PLCG2: variants seen among roughly 807,000 people sequenced by gnomAD.
PLCG2 encodes phospholipase C gamma 2.
Under a neutral mutation model 175.6 loss-of-function variants are expected in PLCG2, and 69 were observed. That is an observed-to-expected ratio of 0.39 (90% CI 0.32 to 0.48). The LOEUF (loss-of-function observed/expected upper bound fraction) is 0.48, where lower values mean the gene tolerates loss of function less well. Ranked by LOEUF, PLCG2 falls within the 20% of genes least tolerant of loss-of-function variation. The pLI, the probability that PLCG2 is intolerant of heterozygous loss-of-function variation, is 0.91. For missense variants in PLCG2, 1,798 were observed against 1,650.9 expected, an observed-to-expected ratio of 1.09 and a Z score of -1.54; for synonymous variants, 827 against 624.0, an observed-to-expected ratio of 1.33 and a Z score of -4.85.
In PLCG2 at chr16:81,900,639, G is replaced by C. The variant is rs775409619; in HGVS notation, c.1221G>C (p.Glu407Asp). The change falls in exon 14 of 33, where the codon GAG becomes GAC. Residue 407 changes from glutamate to aspartate, a missense_variant. Coordinates refer to ENST00000564138, the MANE Select transcript of PLCG2 (RefSeq NM_002661.5). ...SSFPVILSIE[E>D]HCSVEQQRHM... ...TCCCAGTGATCCTGTCCATCGAGGA[G>C]CACTGCAGCGTGGAGCAACAGCGTC... 6.2e-7 allele frequency: 1 copy of C among 1,606,880 alleles called. No homozygotes were observed. Among genetic ancestry groups the C allele is most frequent in the Non-Finnish European group, 8.5e-7 (1 of 1,174,084 alleles).
At chr16:81,823,881 CCTT>C (rs1421710054) in intron 2 of PLCG2, among the ~76,000 whole-genome samples, 5 of 149,426 alleles carry the variant, frequency 3.3e-5, no homozygotes, top group Non-Finnish European at 6.0e-5. Flanking sequence ...CTTTTTTCTT[CCTT>C]CTTTTCTTTC....
chr16:81,868,388 G>T (rs1907349386), intron 5 of PLCG2, among the ~76,000 whole-genome samples: 1 of 151,910 alleles, frequency 6.6e-6, no homozygotes. Context: ...ACTTATTTTT[G>T]GGGGTGCAGG....
intron 8 of PLCG2, among the ~76,000 whole-genome samples, chr16:81,881,662 C>T (rs564299386): frequency 4.6e-5 from 7 of 152,126 alleles, no homozygotes; most frequent in Non-Finnish European, 8.8e-5. Flanking sequence ...TATGTATATT[C>T]GAGACGGAGC....
intron 1 of PLCG2, chr16:81,739,830 T>A (rs1909544879): frequency 6.6e-6 from 1 of 152,070 alleles, no homozygotes; most frequent in Admixed American, 6.6e-5. Flanking sequence ...TGAAATGAAT[T>A]AGTAAGTGCT....
intron 7 of PLCG2, among the ~76,000 whole-genome samples, chr16:81,873,689 G>A (rs1907629231): frequency 6.6e-6 from 1 of 152,088 alleles, no homozygotes; most frequent in Non-Finnish European, 1.5e-5. Flanking sequence ...CACCACTTTG[G>A]GAGGCCAAGG....
chr16:81,928,488 C>G (rs1264687234), intron 23 of PLCG2, 70 bp from the exon 24 acceptor site: 2 of 978,342 alleles, frequency 2.0e-6, no homozygotes, highest in Admixed American at 1.7e-5. Flanking sequence ...AAACGGTGTG[C>G]TTTGGAAACG....
In PLCG2 at chr16:81,877,050, G is replaced by C. The variant is rs575511517; in HGVS notation, c.649-3860G>C. Among the ~76,000 whole-genome samples the C allele has an allele frequency of 2.0e-5, 3 of 152,350 alleles. No homozygotes were observed. In the South Asian group the frequency reaches 6.2e-4, roughly 32 times the overall value. The stretch of plus-strand genomic sequence containing the variant: ...TGAAATGGGGCTTATTTTACTACCT[G>C]ATGGGATCAGCAGGAGGAGTGACTG... On this transcript the variant is annotated intron_variant, in intron 7 of 32. Coordinates refer to ENST00000564138, the MANE Select transcript of PLCG2 (RefSeq NM_002661.5).
chr16:81,767,831 G>C (rs1362838848), intron 2 of PLCG2: 1 of 152,312 alleles, frequency 6.6e-6, no homozygotes, highest in Non-Finnish European at 1.5e-5. Flanking sequence ...GCCTCTTCCA[G>C]AATGTCATAT....
intron 2 of PLCG2, among the ~76,000 whole-genome samples, chr16:81,833,322 C>G (rs116662042): frequency 1.3e-5 from 2 of 152,060 alleles, no homozygotes; most frequent in South Asian, 4.1e-4. Flanking sequence ...GGCCTTCTTT[C>G]GCAATCTGTC....
intron 20 of PLCG2, among the ~76,000 whole-genome samples, chr16:81,920,066 A>ACCTCAGGACC (rs2068190262): frequency 6.6e-6 from 1 of 152,210 alleles, no homozygotes; most frequent in Non-Finnish European, 1.5e-5. Flanking sequence ...GTCCTGAGGT[A>ACCTCAGGACC]GAAGCCTGCC....
At chr16:81,901,804 A>G (rs1909162766) in intron 14 of PLCG2, among the ~76,000 whole-genome samples, 2 of 152,224 alleles carry the variant, frequency 1.3e-5, no homozygotes, top group Admixed American at 1.3e-4. Flanking sequence ...TCTAGATCTT[A>G]TTTAAGATGT....
intron 2 of PLCG2, among the ~76,000 whole-genome samples, chr16:81,838,778 AATATAT>A (rs10549962): frequency 0.32 from 45,249 of 141,438 alleles, 7,259 homozygotes; most frequent in South Asian, 0.39. Context: ...AGTAAAATTA[AATATAT>A]ATATATATAT....
intron 5 of PLCG2, among the ~76,000 whole-genome samples, chr16:81,862,252 A>G (rs539604407): frequency 6.6e-6 from 1 of 152,256 alleles, no homozygotes; most frequent in Non-Finnish European, 1.5e-5. Flanking sequence ...AGCCCGGGCA[A>G]TGGACAAGTC....
At chr16:81,840,657 G>C (rs561954859) in intron 2 of PLCG2, among the ~76,000 whole-genome samples, 2 of 152,150 alleles carry the variant, frequency 1.3e-5, no homozygotes, top group African/African-American at 4.8e-5. Context: ...ATCTAACGCC[G>C]CTGATGATCT....
chr16:81,952,218 G>C (rs562560135), intron 31 of PLCG2, among the ~76,000 whole-genome samples: 2 of 152,090 alleles, frequency 1.3e-5, no homozygotes, highest in African/African-American at 4.8e-5. Context: ...ATTAATGTTG[G>C]ATTGGAATTG....
intron 2 of PLCG2, among the ~76,000 whole-genome samples, chr16:81,813,891 A>T (rs1904426482): frequency 6.6e-6 from 1 of 152,208 alleles, no homozygotes; most frequent in South Asian, 2.1e-4. Flanking sequence ...TGTTAAAAGG[A>T]AGTCACAAGG....
At chr16:81,935,823 A>T in intron 26 of PLCG2, 1 of 985,188 alleles carries the variant, frequency 1.0e-6, no homozygotes, top group Non-Finnish European at 1.2e-6. Flanking sequence ...CCCTCCCAAG[A>T]TCTTCTCCTA....
At chr16:81,898,823 A>G (rs932376277) in intron 13 of PLCG2, among the ~76,000 whole-genome samples, 1 of 152,058 alleles carries the variant, frequency 6.6e-6, no homozygotes, top group Non-Finnish European at 1.5e-5. Context: ...CTTAAGAGAT[A>G]CCTGTGGGGG....
At chr16:81,891,960 G>T (rs972743797) in intron 11 of PLCG2, among the ~76,000 whole-genome samples, 1 of 152,242 alleles carries the variant, frequency 6.6e-6, no homozygotes, top group Non-Finnish European at 1.5e-5. Flanking sequence ...TAGGGAGTGT[G>T]TACCCTGTGC....
Sources: gnomAD v4.1 joint callset for allele counts (sites outside exome capture counted in the v4.1 genomes callset) on GRCh38, gnomAD v4.1.1 for gene constraint, MANE v1.5 for transcripts, NCBI Gene and HGNC (gene_info 2026-07-23, HGNC 2026-07-21) for gene names.